The following SLC4A4 variants were observed in gnomAD, a reference collection of about 807,000 sequenced individuals.
The protein encoded by SLC4A4 is electrogenic sodium bicarbonate cotransporter 1.
SLC4A4 carries 27 observed loss-of-function variants against 111.5 expected under a neutral mutation model. The observed-to-expected ratio is 0.24, with a 90% CI of 0.18 to 0.33. The LOEUF is 0.33. Ranked by LOEUF, SLC4A4 falls within the 10% of genes least tolerant of loss-of-function variation. The probability of loss-of-function intolerance (pLI) is 1.00; values close to 1 mark genes in which losing one functional copy is unlikely to be tolerated. For missense variants in SLC4A4, 909 were observed against 1,315.5 expected, an observed-to-expected ratio of 0.69 and a Z score of 4.78; for synonymous variants, 443 against 463.4, an observed-to-expected ratio of 0.96 and a Z score of 0.57.
intron 3 of SLC4A4, among the ~76,000 whole-genome samples, chr4:71,289,364 A>C (rs983258714): frequency 3.9e-5 from 6 of 152,214 alleles, no homozygotes; most frequent in African/African-American, 1.4e-4. Context: ...TTGTCCAGCC[A>C]TAACAACTAC....
intron 3 of SLC4A4, among the ~76,000 whole-genome samples, chr4:71,325,661 T>G (rs2148871994): frequency 6.6e-6 from 1 of 152,176 alleles, no homozygotes; most frequent in South Asian, 2.1e-4. Flanking sequence ...TTTACTCTGT[T>G]TCACCTATAT....
intron 3 of SLC4A4, among the ~76,000 whole-genome samples, chr4:71,298,016 T>C (rs1578781171): frequency 6.6e-6 from 1 of 152,254 alleles, no homozygotes; most frequent in South Asian, 2.1e-4. Flanking sequence ...CACTTAATAG[T>C]ACTGTGACCT....
At chr4:71,443,691 T>A (rs1157738721) in intron 8 of SLC4A4, among the ~76,000 whole-genome samples, 1 of 152,202 alleles carries the variant, frequency 6.6e-6, no homozygotes, top group Non-Finnish European at 1.5e-5. Context: ...TTTCTAATCT[T>A]GATTTGCACA....
At chr4:71,527,933 A>G (rs1384363849) in intron 16 of SLC4A4, among the ~76,000 whole-genome samples, 1 of 152,072 alleles carries the variant, frequency 6.6e-6, no homozygotes, top group East Asian at 1.9e-4. Context: ...GAAGAGACCA[A>G]AGTCTGAACT....
intron 2 of SLC4A4, among the ~76,000 whole-genome samples, chr4:71,138,279 A>G (rs1012131820): frequency 6.6e-6 from 1 of 152,112 alleles, no homozygotes; most frequent in African/African-American, 2.4e-5. Flanking sequence ...TTGCCTCACT[A>G]ATCAATTTTT....
intron 3 of SLC4A4, among the ~76,000 whole-genome samples, chr4:71,279,785 G>C (rs1723363626): frequency 6.6e-6 from 1 of 151,850 alleles, no homozygotes; most frequent in South Asian, 2.1e-4. Flanking sequence ...GCCAGTGCTT[G>C]TTATTTTTTT....
chr4:71,362,433 A>G (rs1416565467), intron 6 of SLC4A4, among the ~76,000 whole-genome samples: 1 of 152,236 alleles, frequency 6.6e-6, no homozygotes, highest in African/African-American at 2.4e-5. Context: ...TTAGAGTGGT[A>G]ACTGGCACAT....
chr4:71,242,841 T>C (rs1720361246), intron 2 of SLC4A4, among the ~76,000 whole-genome samples: 1 of 152,178 alleles, frequency 6.6e-6, no homozygotes, highest in Non-Finnish European at 1.5e-5. Flanking sequence ...TTAATTCATT[T>C]CTCCCTACAT....
intron 18 of SLC4A4, among the ~76,000 whole-genome samples, chr4:71,536,465 CATATATAT>C (rs869091643): frequency 7.4e-5 from 3 of 40,706 alleles, no homozygotes; most frequent in African/African-American, 1.6e-4. Flanking sequence ...TACATATATA[CATATATAT>C]ATATATATAT....
intron 2 of SLC4A4, among the ~76,000 whole-genome samples, chr4:71,172,223 A>G (rs546616440): frequency 1.2e-4 from 18 of 151,510 alleles, no homozygotes; most frequent in African/African-American, 4.1e-4. Flanking sequence ...CTTCTTCACC[A>G]TTACATATTC....
chr4:71,219,017 A>C (rs1718589428), intron 1 of SLC4A4, among the ~76,000 whole-genome samples: 1 of 152,032 alleles, frequency 6.6e-6, no homozygotes, highest in South Asian at 2.1e-4. Flanking sequence ...GTTTTTGGAG[A>C]GTTTTTATTC....
chr4:71,508,814 G>A (rs2149170709), intron 16 of SLC4A4, among the ~76,000 whole-genome samples: 1 of 152,190 alleles, frequency 6.6e-6, no homozygotes, highest in East Asian at 1.9e-4. Flanking sequence ...AAAATGAGAA[G>A]TTTAGCCAGT....
At chr4:71,473,107 T>C (rs748731406) in intron 14 of SLC4A4, 137 bp downstream of exon 14, 4 of 947,066 alleles carry the variant, frequency 4.2e-6, no homozygotes, top group Non-Finnish European at 6.7e-6. Flanking sequence ...ACTCTGCTAC[T>C]GAATTTGATG....
At chr4:71,558,419 A>G (rs945743365) in intron 22 of SLC4A4, among the ~76,000 whole-genome samples, 1 of 151,880 alleles carries the variant, frequency 6.6e-6, no homozygotes, top group Admixed American at 6.6e-5. Flanking sequence ...GGTAAGTTTA[A>G]AGATAAGGTG....
At chr4:71,113,295 C>T (rs1743146086) in intron 2 of SLC4A4, among the ~76,000 whole-genome samples, 1 of 152,220 alleles carries the variant, frequency 6.6e-6, no homozygotes, top group African/African-American at 2.4e-5. Context: ...TTCATCTTTA[C>T]TTGGCCTTGT....
chr4:71,230,881 G>A lies in SLC4A4; in HGVS notation c.-1-5695G>A, dbSNP rs911707928. Among the ~76,000 whole-genome samples the A allele has an allele frequency of 2.6e-5, 4 of 152,204 alleles. No homozygotes were observed. The East Asian group carries it at 7.7e-4, about 29-fold the overall frequency. On this transcript the variant is annotated intron_variant, in intron 1 of 25. Transcript: ENST00000264485. ...TTCCCCTGAGCTCAGTACCGCAGTC[G>A]CTTTCATCCTACAGTTTACAAAGTA...
chr4:71,454,552 T>C (rs762501708), intron 12 of SLC4A4, among the ~76,000 whole-genome samples: 1 of 152,182 alleles, frequency 6.6e-6, no homozygotes, highest in Non-Finnish European at 1.5e-5. Context: ...CAGCTTATTT[T>C]TTTTTTAAAT....
At chr4:71,355,576 A>T (rs1018838120) in intron 5 of SLC4A4, among the ~76,000 whole-genome samples, 6 of 152,202 alleles carry the variant, frequency 3.9e-5, no homozygotes, top group Non-Finnish European at 7.3e-5. Context: ...ATGTTATGTG[A>T]CAGTTATGGC....
intron 2 of SLC4A4, among the ~76,000 whole-genome samples, chr4:71,181,155 A>G (rs1276694588): frequency 6.8e-6 from 1 of 146,930 alleles, no homozygotes; most frequent in Non-Finnish European, 1.5e-5. Flanking sequence ...CATAGGTGGG[A>G]ATTGAACAAT....
Sources: gnomAD v4.1 joint callset for allele counts (sites outside exome capture counted in the v4.1 genomes callset) on GRCh38, gnomAD v4.1.1 for gene constraint, MANE v1.5 for transcripts, NCBI Gene and HGNC (gene_info 2026-07-23, HGNC 2026-07-21) for gene names.